FNDC7: variants seen among roughly 807,000 people sequenced by gnomAD.
The protein encoded by FNDC7 is fibronectin type III domain containing 7, also known as fibronectin type III domain-containing protein 7.
FNDC7 carries 66 observed loss-of-function variants against 74.2 expected under a neutral mutation model. The ratio of observed to expected loss-of-function variants is 0.89; its 90% CI spans 0.73 to 1.09. FNDC7 has a LOEUF of 1.09. Ranked by LOEUF, FNDC7 falls within the 50% of genes least tolerant of loss-of-function variation. The pLI is 0.00. For missense variants in FNDC7, 829 were observed against 893.4 expected, an observed-to-expected ratio of 0.93 and a Z score of 0.92; for synonymous variants, 307 against 330.2, an observed-to-expected ratio of 0.93 and a Z score of 0.76.
chr1:108,731,072 G>T, intron 9 of FNDC7, 144 bp downstream of exon 9: 1 of 1,023,472 alleles, frequency 9.8e-7, no homozygotes, highest in South Asian at 1.8e-5. Context: ...AATGGTTATA[G>T]TTTCCCTTTG....
chr1:108,714,076 T>C (rs967985934), intron 2 of FNDC7, among the ~76,000 whole-genome samples: 4 of 152,198 alleles, frequency 2.6e-5, no homozygotes, highest in Non-Finnish European at 4.4e-5. Context: ...CTTGAGTAGA[T>C]AACCGAAGGC....
At chr1:108,738,014 C>T (rs1179197992) in intron 11 of FNDC7, among the ~76,000 whole-genome samples, 1 of 152,222 alleles carries the variant, frequency 6.6e-6, no homozygotes, top group Admixed American at 6.5e-5. Flanking sequence ...GCTTCTCAAA[C>T]TTTATTGTGC....
Position 108,733,480 on chromosome 1 carries a change from A to G in FNDC7, c.2088A>G (p.Pro696=), listed in dbSNP as rs1180563660. The G allele has an allele frequency of 6.2e-7, 1 of 1,614,010 alleles. No homozygotes were observed. Among genetic ancestry groups the G allele is most frequent in the Non-Finnish European group, 8.5e-7 (1 of 1,179,992 alleles). The change falls in exon 10 of 13, where the codon CCA becomes CCG. Residue 696 remains proline, a synonymous_variant. Coordinates refer to ENST00000370017, the MANE Select transcript of FNDC7 (RefSeq NM_001144937.3). The part of the protein sequence containing the change: ...CGDVYTVMVS[P]VAKTGLKLTF... ...ATGTATACACTGTGATGGTCTCACC[A>G]GTTGCTAAAACAGGATTGAAGCTTA...
In FNDC7 at chr1:108,719,003, T is replaced by A; in HGVS notation, c.552T>A (p.Asn184Lys). ...TLYTIKAYAW[N>K]ANRIPGDDST... ...ACACCATAAAGGCCTATGCATGGAA[T>A]GCCAACAGAATCCCTGGGGATGACT... The change falls in exon 4 of 13, where the codon AAT (asparagine) becomes AAA (lysine). Residue 184 changes from asparagine (N) to lysine (K), a missense_variant. Coordinates refer to ENST00000370017, the MANE Select transcript of FNDC7 (RefSeq NM_001144937.3). The A allele has an allele frequency of 6.4e-7, 1 of 1,552,232 alleles. No homozygotes were observed. The highest frequency in any genetic ancestry group is 8.7e-7 in the Non-Finnish European group (1 of 1,147,108).
At chr1:108,725,551 G>A (rs1340892402) in intron 5 of FNDC7, among the ~76,000 whole-genome samples, 199 bp from the exon 6 acceptor site, 1 of 152,174 alleles carries the variant, frequency 6.6e-6, no homozygotes, top group Admixed American at 6.5e-5. Context: ...GTGGTTTGGG[G>A]CCTGTAACAT....
At chr1:108,740,587 C>T (rs1661620659) in intron 11 of FNDC7, among the ~76,000 whole-genome samples, 3 of 152,096 alleles carry the variant, frequency 2.0e-5, no homozygotes, top group African/African-American at 2.4e-5. Context: ...CTTGGCCTCC[C>T]GAAGTGCTGG....
intron 3 of FNDC7, 75 bp from the exon 4 acceptor site, chr1:108,718,714 T>C (rs1661028890): frequency 6.9e-7 from 1 of 1,452,924 alleles, no homozygotes; most frequent in Non-Finnish European, 9.3e-7. Flanking sequence ...TGGATATCAA[T>C]TTACTTGCTT....
At chr1:108,725,676 A>G in intron 5 of FNDC7, 74 bp from the exon 6 acceptor site, 4 of 1,510,798 alleles carry the variant, frequency 2.6e-6, no homozygotes, top group Non-Finnish European at 2.7e-6. Context: ...GTTGTATTGA[A>G]ATCTTGGATA....
At chr1:108,741,210 G>GA (rs911998107) in intron 11 of FNDC7, among the ~76,000 whole-genome samples, 34 of 148,646 alleles carry the variant, frequency 2.3e-4, no homozygotes, top group South Asian at 8.5e-4. Context: ...GAAGGGAAAG[G>GA]AAAAAAAAAA....
chr1:108,726,370 T>C (rs1159620193), intron 6 of FNDC7, among the ~76,000 whole-genome samples: 3 of 152,238 alleles, frequency 2.0e-5, no homozygotes, highest in African/African-American at 7.2e-5. Context: ...AAGACAGACA[T>C]ACAATGGCCA....
intron 11 of FNDC7, among the ~76,000 whole-genome samples, chr1:108,740,582 C>T (rs544012239): frequency 2.7e-4 from 41 of 152,228 alleles, no homozygotes; most frequent in African/African-American, 9.9e-4. Context: ...CCTGCCTTGG[C>T]CTCCCGAAGT....
chr1:108,731,111 C>T (rs139579938), intron 9 of FNDC7, among the ~76,000 whole-genome samples, 183 bp downstream of exon 9: 2,283 of 152,302 alleles, frequency 0.015, 27 homozygotes, highest in Non-Finnish European at 0.024. Flanking sequence ...TCAGAGGCTT[C>T]TGTTGGTAGT....
chr1:108,737,651 C>T, intron 11 of FNDC7, 127 bp downstream of exon 11: 1 of 643,836 alleles, frequency 1.6e-6, no homozygotes, highest in Admixed American at 3.0e-5. Flanking sequence ...GGGGCTCCTG[C>T]TCTCTTATCC....
At chr1:108,719,678 C>T (rs896015565) in intron 4 of FNDC7, among the ~76,000 whole-genome samples, 4 of 151,904 alleles carry the variant, frequency 2.6e-5, no homozygotes, top group Non-Finnish European at 4.4e-5. Flanking sequence ...AGAGGTCCCC[C>T]GAGCAAAGGA....
intron 5 of FNDC7, among the ~76,000 whole-genome samples, chr1:108,724,911 T>C (rs1661174086): frequency 6.6e-6 from 1 of 151,828 alleles, no homozygotes; most frequent in Non-Finnish European, 1.5e-5. Context: ...TGAAACTTTG[T>C]CTCTACTAAA....
chr1:108,714,443 A>G (rs1417037925), intron 2 of FNDC7, among the ~76,000 whole-genome samples: 12 of 152,172 alleles, frequency 7.9e-5, no homozygotes, highest in Admixed American at 7.9e-4. Context: ...TGGGAAGCCA[A>G]GATGGGAGGA....
intron 2 of FNDC7, 146 bp from the exon 3 acceptor site, chr1:108,717,629 TTC>T: frequency 1.2e-6 from 1 of 807,426 alleles, no homozygotes; most frequent in South Asian, 1.9e-5. Context: ...GTCTTTCTTT[TTC>T]TCTGTTTTTC....
intron 10 of FNDC7, 59 bp from the exon 11 acceptor site, chr1:108,737,436 A>T: frequency 7.1e-7 from 1 of 1,401,740 alleles, no homozygotes; most frequent in Non-Finnish European, 9.8e-7. Context: ...TTAAATCTTC[A>T]CTATCTTAAA....
At chr1:108,718,482 A>T (rs1471173444) in intron 3 of FNDC7, among the ~76,000 whole-genome samples, 2 of 152,228 alleles carry the variant, frequency 1.3e-5, no homozygotes, top group African/African-American at 4.8e-5. Context: ...GCACATTAAA[A>T]TGGTGTAACC....
Sources: gnomAD v4.1 joint callset for allele counts (sites outside exome capture counted in the v4.1 genomes callset) on GRCh38, gnomAD v4.1.1 for gene constraint, MANE v1.5 for transcripts, NCBI Gene and HGNC (gene_info 2026-07-23, HGNC 2026-07-21) for gene names.